The following ADSS1 variants were observed in gnomAD, a reference collection of about 807,000 sequenced individuals.
ADSS1 encodes the protein adenylosuccinate synthase 1, also known as adenylosuccinate synthetase isozyme 1.
ADSS1 carries 57 observed loss-of-function variants against 59.1 expected under a neutral mutation model. The ratio of observed to expected loss-of-function variants is 0.97; its 90% CI spans 0.78 to 1.20. ADSS1 has a LOEUF of 1.20. Among genes scored for constraint, ADSS1 ranks in the 50% most tolerant of loss-of-function variants. The pLI, the probability that ADSS1 is intolerant of heterozygous loss-of-function variation, is 0.00. For missense variants in ADSS1, 603 were observed against 610.3 expected, an observed-to-expected ratio of 0.99 and a Z score of 0.13; for synonymous variants, 247 against 249.4, an observed-to-expected ratio of 0.99 and a Z score of 0.09.
rs1275259800 is a variant in ADSS1 at position 104,740,542 on chromosome 14, G to C, written c.477-59G>C. Reference sequence around the variant, plus strand: ...CCGGCGGGGGTCATGGCCTCAGTGGGATGCCTGAGCTCCTCAGGGCTCCTG... The same window carrying C: ...CCGGCGGGGGTCATGGCCTCAGTGGCATGCCTGAGCTCCTCAGGGCTCCTG... On this transcript the variant is annotated intron_variant, in intron 5 of 12. Transcript: ENST00000330877. The surrounding 1 kb of genome is among the most constrained non-coding windows in gnomAD (Gnocchi z 4.8). The C allele has an allele frequency of 6.6e-7, 1 of 1,514,612 alleles. No homozygotes were observed. Among genetic ancestry groups the C allele is most frequent in the African/African-American group, 1.4e-5 (1 of 72,358 alleles). The allele number at this position is 1,514,612 out of a possible 1,614,324, so 93.8% of individuals were successfully genotyped here. A position where few individuals can be genotyped will look rare whatever the true frequency, so the allele number is the denominator to read the frequency against.
intron 2 of ADSS1, among the ~76,000 whole-genome samples, chr14:104,736,254 A>G (rs140365345): frequency 3.7e-4 from 57 of 152,304 alleles, no homozygotes; most frequent in African/African-American, 1.3e-3. Context: ...CCTGCCCGCC[A>G]TGTCGCAGGA....
In ADSS1 at chr14:104,739,316, G is replaced by A. The variant is rs760903469; in HGVS notation, c.359-12G>A. On this transcript the variant is annotated splice_polypyrimidine_tract_variant and intron_variant, in intron 3 of 12. Transcript: ENST00000330877. ...GTGAACACTGACCCACCTGTGTGCC[G>A]TGTCCCCGCAGGCCTGAAGGACTGG... 1.0e-4 allele frequency: 166 copies of A among 1,606,002 alleles called. No homozygotes were observed. Among genetic ancestry groups the A allele is most frequent in the Admixed American group, 5.4e-4 (32 of 58,930 alleles).
chr14:104,745,562 A>T (rs1465415943), intron 11 of ADSS1: 1 of 153,036 alleles, frequency 6.5e-6, no homozygotes, highest in Non-Finnish European at 1.5e-5. Context: ...CACTCAGCAG[A>T]TCTTTGTAGG....
At chr14:104,746,893 C>A (rs746975867) in intron 12 of ADSS1, 58 bp from the exon 13 acceptor site, 1 of 1,583,992 alleles carries the variant, frequency 6.3e-7, no homozygotes, top group Non-Finnish European at 8.7e-7. Flanking sequence ...CTAAAGACAA[C>A]TTTTTCTGAA....
chr14:104,724,357 C>G lies in ADSS1; in HGVS notation c.87C>G (p.Thr29=), dbSNP rs374922910. The part of the protein sequence containing the change: ...RGRLQQEAAA[T]GSRVTVVLGA... ...GGCTGCAGCAGGAGGCGGCGGCGAC[C>G]GGCTCCCGCGTGACGGTGGTGCTGG... Residue 29 remains threonine (T), a synonymous_variant, in exon 1 of 13, where the codon ACC becomes ACG. Transcript: ENST00000330877. The G allele has an allele frequency of 4.1e-4, 512 of 1,246,690 alleles. 2 individuals carry two copies. In the African/African-American group the frequency reaches 6.8e-3, roughly 17 times the overall value. The allele number at this position is 1,246,690 out of a possible 1,614,324, so 77.2% of individuals were successfully genotyped here. A position where few individuals can be genotyped will look rare whatever the true frequency, so the allele number is the denominator to read the frequency against.
chr14:104,740,522 G>C lies in ADSS1; in HGVS notation c.477-79G>C. 1 of 1,308,892 alleles carries C rather than the reference G, an allele frequency of 7.6e-7. No homozygotes were observed. Among genetic ancestry groups the C allele is most frequent in the Non-Finnish European group, 1.1e-6 (1 of 924,248 alleles). 81.1% of individuals were successfully genotyped at this position (1,308,892 alleles called of 1,614,324 possible). On this transcript the variant is annotated intron_variant, in intron 5 of 12. Transcript: ENST00000330877. The surrounding 1 kb of genome is among the most constrained non-coding windows in gnomAD (Gnocchi z 4.8). ...GTGGGCACTGGAGTCATGAGCCGGC[G>C]GGGGTCATGGCCTCAGTGGGATGCC...
intron 1 of ADSS1, among the ~76,000 whole-genome samples, chr14:104,734,732 G>A (rs1049391972): frequency 2.0e-5 from 3 of 152,210 alleles, no homozygotes; most frequent in Non-Finnish European, 4.4e-5. Flanking sequence ...CCAGAGCGGG[G>A]CCCGCAGCTG....
intron 1 of ADSS1, among the ~76,000 whole-genome samples, chr14:104,730,574 G>A (rs918977550): frequency 2.0e-5 from 3 of 152,182 alleles, no homozygotes; most frequent in Non-Finnish European, 2.9e-5. Flanking sequence ...TAGATGATAT[G>A]GAGAGAGGTG....
At position 104,743,083 on chromosome 14, in the gene ADSS1, T is replaced by A. The variant is rs1363062363; in HGVS notation, c.965T>A (p.Leu322Gln). The change falls in exon 10 of 13, where the codon CTG becomes CAG. Residue 322 changes from leucine to glutamine, a missense_variant. Physicochemically the swap from Leu to Gln is moderately radical, Grantham distance 113 (BLOSUM62 -2). Coordinates refer to ENST00000330877, the MANE Select transcript of ADSS1 (RefSeq NM_152328.5). Reference protein sequence around the residue: ...TEQINEIGGLLQTRGHEWGVT... With the variant: ...TEQINEIGGLQQTRGHEWGVT... ...CTCATGTAGGAGATTGGAGGCCTGCTGCAGACCCGCGGCCACGAGTGGGGA... is the reference window on the plus strand; with the variant it reads ...CTCATGTAGGAGATTGGAGGCCTGCAGCAGACCCGCGGCCACGAGTGGGGA... The A allele has an allele frequency of 1.2e-6, 2 of 1,613,086 alleles. No individual in the cohort carries two copies. The highest frequency in any genetic ancestry group is 8.5e-7 in the Non-Finnish European group (1 of 1,179,982).
At position 104,743,461 on chromosome 14, in the gene ADSS1, A is replaced by G. The variant is rs920314377; in HGVS notation, c.1073+270A>G. On this transcript the variant is annotated intron_variant, in intron 10 of 12. Transcript: ENST00000330877. ...GGCATCCCGGCACTTGTGAGAGGTT[A>G]AAATGCTTCATGTGGAGAGCGGAAG... 5 of 424,530 alleles carry G rather than the reference A, an allele frequency of 1.2e-5. 1 individual carries two copies. The highest frequency in any genetic ancestry group is 2.2e-5 in the Non-Finnish European group (5 of 226,802). The allele number at this position is 424,530 out of a possible 1,614,324, so 26.3% of individuals were successfully genotyped here.
At chr14:104,727,210 A>G (rs1595192816) in intron 1 of ADSS1, among the ~76,000 whole-genome samples, 1 of 152,032 alleles carries the variant, frequency 6.6e-6, no homozygotes, top group Non-Finnish European at 1.5e-5. Flanking sequence ...GGCCCCTGAG[A>G]GTGTCGTCAC....
intron 1 of ADSS1, among the ~76,000 whole-genome samples, chr14:104,732,777 GTCC>G (rs1159528133): frequency 1.3e-5 from 2 of 152,286 alleles, no homozygotes; most frequent in South Asian, 2.1e-4. Context: ...TTCCCTACCT[GTCC>G]TCAGAGACCT....
Position 104,746,332 on chromosome 14 carries a change from C to G in ADSS1, c.1268C>G (p.Pro423Arg), listed in dbSNP as rs774191710. 6.2e-7 allele frequency: 1 copy of G among 1,613,828 alleles called. No individual in the cohort carries two copies. Among genetic ancestry groups the G allele is most frequent in the East Asian group, 2.2e-5 (1 of 44,892 alleles). ...TTGARRWEDL[P>R]PQAQNYIRFV... Reference sequence around the variant, plus strand: ...GGCGCCAGGAGGTGGGAGGACCTGCCCCCACAGGCCCAGAACTACATCCGC... The same window carrying G: ...GGCGCCAGGAGGTGGGAGGACCTGCGCCCACAGGCCCAGAACTACATCCGC... Residue 423 changes from proline (P) to arginine (R), a missense_variant, in exon 12 of 13, where the codon CCC becomes CGC. Pro to Arg is a moderately radical substitution (Grantham distance 103, BLOSUM62 -2). Coordinates refer to ENST00000330877, the MANE Select transcript of ADSS1 (RefSeq NM_152328.5).
intron 1 of ADSS1, among the ~76,000 whole-genome samples, chr14:104,732,355 G>A (rs1416403778): frequency 6.6e-6 from 1 of 152,228 alleles, no homozygotes; most frequent in East Asian, 1.9e-4. Context: ...CTCTCACCAC[G>A]TGCCTGTGCA....
chr14:104,742,880 C>T (rs1891419651), intron 9 of ADSS1, among the ~76,000 whole-genome samples, 187 bp from the exon 10 acceptor site: 1 of 152,162 alleles, frequency 6.6e-6, no homozygotes, highest in South Asian at 2.1e-4. Flanking sequence ...CATTGTGAGC[C>T]TCAGCTGCTG....
chr14:104,739,244 C>T (rs991269405), intron 3 of ADSS1, 84 bp from the exon 4 acceptor site: 5 of 1,450,420 alleles, frequency 3.4e-6, no homozygotes, highest in Non-Finnish European at 4.7e-6. Flanking sequence ...GGGAGCCGGG[C>T]GAGCTAGCCC....
chr14:104,735,540 G>T (rs1162659953), intron 2 of ADSS1, among the ~76,000 whole-genome samples: 5 of 152,180 alleles, frequency 3.3e-5, no homozygotes, highest in Non-Finnish European at 7.4e-5. Context: ...TGGCGACCAG[G>T]CTGTGTGGAC....
intron 9 of ADSS1, 75 bp from the exon 10 acceptor site, chr14:104,742,992 G>A (rs2140822077): frequency 1.3e-6 from 2 of 1,593,646 alleles, no homozygotes; most frequent in African/African-American, 1.3e-5. Context: ...GTGCAGGGAG[G>A]AGGGGGAGCA....
intron 9 of ADSS1, among the ~76,000 whole-genome samples, chr14:104,742,809 GT>G (rs2140821140): frequency 6.6e-6 from 1 of 152,376 alleles, no homozygotes; most frequent in African/African-American, 2.4e-5. Context: ...AAGCCTAGTG[GT>G]CTGGTGTGTT....
Sources: allele counts gnomAD v4.1 joint callset (sites outside exome capture counted in the v4.1 genomes callset), GRCh38; gene constraint gnomAD v4.1.1; non-coding constraint Gnocchi (gnomAD v3.1); transcripts MANE v1.5; gene names NCBI Gene and HGNC (gene_info 2026-07-23, HGNC 2026-07-21).